The following PLEKHA7 variants were observed in gnomAD, a reference collection of about 807,000 sequenced individuals.
PLEKHA7 encodes the protein pleckstrin homology domain containing A7, also known as pleckstrin homology domain-containing family A member 7.
PLEKHA7 carries 104 observed loss-of-function variants against 170.0 expected under a neutral mutation model. The ratio of observed to expected loss-of-function variants is 0.61; its 90% CI spans 0.52 to 0.72. The LOEUF (loss-of-function observed/expected upper bound fraction) is 0.72, where lower values mean the gene tolerates loss of function less well. Ranked by LOEUF, PLEKHA7 falls within the 30% of genes least tolerant of loss-of-function variation. PLEKHA7 has a pLI of 0.00. For missense variants in PLEKHA7, 1,615 were observed against 1,671.7 expected, an observed-to-expected ratio of 0.97 and a Z score of 0.59; for synonymous variants, 648 against 660.8, an observed-to-expected ratio of 0.98 and a Z score of 0.30.
rs115463430 is a variant in PLEKHA7, at chr11:16,801,087, G to C, written c.2308-12C>G. On this transcript the variant is annotated splice_polypyrimidine_tract_variant and intron_variant, in intron 16 of 26. Transcript: ENST00000531066. ...GCATTTTCCATCTCCTGTTGGCCAAGACAATGCTTCCGGTTCTTAGTTATC... is the reference window on the plus strand; with the variant it reads ...GCATTTTCCATCTCCTGTTGGCCAACACAATGCTTCCGGTTCTTAGTTATC... The C allele has an allele frequency of 2.5e-6, 4 of 1,611,028 alleles. No individual in the cohort carries two copies. Among genetic ancestry groups the C allele is most frequent in the South Asian group, 2.2e-5 (2 of 91,014 alleles).
At chr11:16,975,777 C>A (rs966621654) in intron 3 of PLEKHA7, among the ~76,000 whole-genome samples, 2 of 152,306 alleles carry the variant, frequency 1.3e-5, no homozygotes, top group East Asian at 3.9e-4. Context: ...TTTCTTGTTG[C>A]TTGTCTGCAT....
intron 3 of PLEKHA7, among the ~76,000 whole-genome samples, chr11:16,886,923 A>G (rs1856153480): frequency 6.6e-6 from 1 of 152,156 alleles, no homozygotes; most frequent in African/African-American, 2.4e-5. Flanking sequence ...GGTGTGTAAC[A>G]GCTTAGTTTC....
chr11:16,951,486 A>G (rs547975420), intron 3 of PLEKHA7, among the ~76,000 whole-genome samples: 1 of 152,200 alleles, frequency 6.6e-6, no homozygotes, highest in South Asian at 2.1e-4. Context: ...CTTATGAGAT[A>G]GATATTTTTA....
chr11:16,789,501 T>C lies in PLEKHA7; in HGVS notation c.3157-205A>G, dbSNP rs753684509. ...GGAGCTTTCTGAGTAGCACCCATTC[T>C]GCAGATGCAGACACTTAGGCTCAGG... On this transcript the variant is annotated intron_variant, in intron 22 of 26. Coordinates refer to ENST00000531066, the MANE Select transcript of PLEKHA7 (RefSeq NM_001329630.2). This position sits in a 1 kb window ranked among gnomAD's most constrained non-coding sequence, Gnocchi z 4.6. 1.6e-6 allele frequency: 1 copy of C among 625,038 alleles called. No homozygotes were observed. Among genetic ancestry groups the C allele is most frequent in the South Asian group, 2.0e-5 (1 of 50,886 alleles). 38.7% of individuals were successfully genotyped at this position (625,038 alleles called of 1,614,324 possible). A position where few individuals can be genotyped will look rare whatever the true frequency, so the allele number is the denominator to read the frequency against.
chr11:16,837,358 T>C (rs1371746559), intron 9 of PLEKHA7, among the ~76,000 whole-genome samples: 1 of 152,194 alleles, frequency 6.6e-6, no homozygotes, highest in Non-Finnish European at 1.5e-5. Flanking sequence ...CCAGACATCA[T>C]TCATCAATCA....
chr11:16,943,080 T>C (rs1860797736), intron 3 of PLEKHA7, among the ~76,000 whole-genome samples: 1 of 152,206 alleles, frequency 6.6e-6, no homozygotes, highest in African/African-American at 2.4e-5. Flanking sequence ...AAAGCTAACC[T>C]AACACTTAAA....
intron 3 of PLEKHA7, among the ~76,000 whole-genome samples, chr11:17,012,392 C>G (rs982893069): frequency 2.0e-5 from 3 of 152,144 alleles, no homozygotes; most frequent in Admixed American, 6.6e-5. Flanking sequence ...AAGCCCTTGC[C>G]CTGGCTGTTC....
At chr11:16,870,194 C>A (rs1441060245) in intron 4 of PLEKHA7, among the ~76,000 whole-genome samples, 1 of 152,138 alleles carries the variant, frequency 6.6e-6, no homozygotes, top group Non-Finnish European at 1.5e-5. Flanking sequence ...CTCAGAATGT[C>A]CAGGGACGAT....
In PLEKHA7 at chr11:16,803,000, T is replaced by C. The variant is rs952337506; in HGVS notation, c.2129A>G (p.Asp710Gly). The C allele has an allele frequency of 6.2e-6, 10 of 1,614,120 alleles. No homozygotes were observed. In the Admixed American group the frequency reaches 1.2e-4, roughly 19 times the overall value. ...GTTCTCTTTAAGGGCTCGTATCTTG[T>C]CTTCCAAGTCCTGGAGGACCCTGTC... ...EQDRVLQDLE[D>G]KIRALKENKD... The change falls in exon 15 of 27, where the codon GAC becomes GGC. Residue 710 changes from aspartate to glycine, a missense_variant. Asp to Gly is a moderately conservative substitution (Grantham distance 94). Transcript: ENST00000531066.
At position 16,779,058 on chromosome 11, in the gene PLEKHA7, C is replaced by T. The variant is rs1350320880; in HGVS notation, c.3794-38G>A. On this transcript the variant is annotated intron_variant, in intron 26 of 26. Transcript: ENST00000531066. Reference sequence around the variant, plus strand: ...ACAGGAGACAGTGAGAGGCTGGCATCCAGGGAGCAGGCACGTCTGCACACA... The same window carrying T: ...ACAGGAGACAGTGAGAGGCTGGCATTCAGGGAGCAGGCACGTCTGCACACA... The T allele has an allele frequency of 3.3e-5, 23 of 702,502 alleles. No homozygotes were observed. The Admixed American group carries it at 3.4e-4, about 10-fold the overall frequency. The allele number at this position is 702,502 out of a possible 1,614,324, so 43.5% of individuals were successfully genotyped here.
intron 8 of PLEKHA7, among the ~76,000 whole-genome samples, chr11:16,850,100 C>A (rs1263144944): frequency 6.6e-6 from 1 of 152,184 alleles, no homozygotes; most frequent in Non-Finnish European, 1.5e-5. Flanking sequence ...ACACCACAGA[C>A]CAACACTTCC....
At chr11:16,960,099 G>A (rs1314044595) in intron 3 of PLEKHA7, among the ~76,000 whole-genome samples, 3 of 152,150 alleles carry the variant, frequency 2.0e-5, no homozygotes, top group East Asian at 1.9e-4. Flanking sequence ...ATCCACACAG[G>A]TTCTCACGCC....
At chr11:16,844,757 G>T (rs1211828633) in intron 8 of PLEKHA7, among the ~76,000 whole-genome samples, 1 of 152,194 alleles carries the variant, frequency 6.6e-6, no homozygotes, top group Non-Finnish European at 1.5e-5. Flanking sequence ...GAAGGAGCCA[G>T]AAGCCTCATG....
At chr11:16,959,990 C>G (rs191682435) in intron 3 of PLEKHA7, among the ~76,000 whole-genome samples, 1 of 152,298 alleles carries the variant, frequency 6.6e-6, no homozygotes, top group East Asian at 1.9e-4. Context: ...GATCTACTGA[C>G]AGACCAGAAG....
intron 3 of PLEKHA7, among the ~76,000 whole-genome samples, chr11:16,878,713 C>T (rs1855492652): frequency 6.6e-6 from 1 of 152,208 alleles, no homozygotes; most frequent in Non-Finnish European, 1.5e-5. Context: ...TCTCCCTCTT[C>T]CACTTCACAA....
intron 4 of PLEKHA7, among the ~76,000 whole-genome samples, chr11:16,866,950 C>T (rs1369546217): frequency 6.6e-6 from 1 of 152,104 alleles, no homozygotes; most frequent in East Asian, 1.9e-4. Context: ...ACCAATAATG[C>T]CCTAGGAGAA....
intron 3 of PLEKHA7, among the ~76,000 whole-genome samples, chr11:17,004,839 A>G (rs952027910): frequency 5.3e-5 from 8 of 152,262 alleles, no homozygotes; most frequent in African/African-American, 1.4e-4. Flanking sequence ...TTCTCATTTC[A>G]GAAAATTGAA....
intron 9 of PLEKHA7, among the ~76,000 whole-genome samples, chr11:16,836,740 T>C (rs1851538706): frequency 6.6e-6 from 1 of 152,208 alleles, no homozygotes; most frequent in Non-Finnish European, 1.5e-5. Flanking sequence ...TATGTCTTTA[T>C]TGTGACTCAG....
intron 16 of PLEKHA7, among the ~76,000 whole-genome samples, 198 bp downstream of exon 16, chr11:16,801,470 T>G (rs1189068897): frequency 3.3e-5 from 5 of 152,208 alleles, no homozygotes; most frequent in Non-Finnish European, 7.3e-5. Context: ...GTAAGCAGCC[T>G]AAGGCACACG....
Sources: gnomAD v4.1 joint callset for allele counts (sites outside exome capture counted in the v4.1 genomes callset) on GRCh38, gnomAD v4.1.1 for gene constraint, Gnocchi (gnomAD v3.1) non-coding constraint, MANE v1.5 for transcripts, NCBI Gene and HGNC (gene_info 2026-07-23, HGNC 2026-07-21) for gene names.